M1AP: variants seen among roughly 807,000 people sequenced by gnomAD.
M1AP encodes the protein meiosis 1 arrest protein.
In M1AP, 39 loss-of-function variants were observed where a neutral mutation model predicts 51.2. That is an observed-to-expected ratio of 0.76 (90% confidence interval 0.59 to 1.00). The LOEUF (loss-of-function observed/expected upper bound fraction) is 1.00, where lower values mean the gene tolerates loss of function less well. Ranked by LOEUF, M1AP falls within the 50% of genes least tolerant of loss-of-function variation. The pLI is 0.00. For synonymous variants in M1AP, 251 were observed against 249.2 expected (o/e 1.01, Z -0.07); for missense variants, 545 against 641.2 (o/e 0.85, Z 1.62).
chr2:74,633,734 T>C (rs971451190), intron 2 of M1AP, among the ~76,000 whole-genome samples: 9 of 152,172 alleles, frequency 5.9e-5, no homozygotes, highest in African/African-American at 2.2e-4. Flanking sequence ...AAAGTCTTTC[T>C]TACCATAATT....
chr2:74,625,093 A>T (rs1682289430), intron 2 of M1AP, among the ~76,000 whole-genome samples: 3 of 152,196 alleles, frequency 2.0e-5, no homozygotes, highest in Non-Finnish European at 2.9e-5. Flanking sequence ...TCTCATGAAA[A>T]TGTGTCACAG....
At chr2:74,562,486 G>A (rs1283472452) in intron 7 of M1AP, 63 bp from the exon 8 acceptor site, 14 of 1,577,538 alleles carry the variant, frequency 8.9e-6, no homozygotes, top group Non-Finnish European at 1.2e-5. Context: ...TTGAGGATCA[G>A]TCCCAATTGA....
intron 3 of M1AP, among the ~76,000 whole-genome samples, chr2:74,609,641 C>T (rs962860473): frequency 6.6e-6 from 1 of 152,160 alleles, no homozygotes; most frequent in African/African-American, 2.4e-5. Flanking sequence ...TCATATTGTT[C>T]TCCATAGTGG....
Position 74,560,189 on chromosome 2 carries a change from G to C in M1AP, c.1384C>G (p.Arg462Gly), listed in dbSNP as rs540346738. The change falls in exon 9 of 11, where the codon CGG becomes GGG. Residue 462 changes from arginine (R) to glycine (G), a missense_variant. By Grantham distance (125) the Arg-to-Gly change is moderately radical. Coordinates refer to ENST00000421985, the MANE Select transcript of M1AP (RefSeq NM_001321739.2). ...LSSIYAKPQG[R>G]LHPHWESRAP... ...CGGCTCTCCCAGTGTGGGTGGAGCCGCCCCTGAGGCTTGGCATAGATGCTG... is the reference window on the plus strand; with the variant it reads ...CGGCTCTCCCAGTGTGGGTGGAGCCCCCCCTGAGGCTTGGCATAGATGCTG... 1.9e-6 allele frequency: 3 copies of C among 1,613,926 alleles called. No individual in the cohort carries two copies. The highest frequency in any genetic ancestry group is 2.5e-6 in the Non-Finnish European group (3 of 1,179,974).
intron 4 of M1AP, among the ~76,000 whole-genome samples, chr2:74,587,562 C>T (rs1376009914): frequency 6.6e-6 from 1 of 152,194 alleles, no homozygotes. Flanking sequence ...GACTACCATA[C>T]ATTGAACACC....
intron 2 of M1AP, chr2:74,615,388 T>G (rs1487620299): frequency 4.2e-6 from 2 of 481,574 alleles, no homozygotes; most frequent in Non-Finnish European, 7.5e-6. Context: ...ACCAGAAACA[T>G]GAAAGGAAGT....
rs1225673362 is a variant in M1AP at position 74,558,681 on chromosome 2, G to A, written c.*35C>T. ...TTATGTGAACCTGAGCATGGATATG[G>A]TTAAGCTGGGCAGCTGGGCTCTGGT... On this transcript the variant is annotated 3_prime_UTR_variant, in exon 11 of 11. Transcript: ENST00000421985. 3.7e-6 allele frequency: 6 copies of A among 1,609,916 alleles called. No homozygotes were observed. The Admixed American group carries it at 6.8e-5, about 18-fold the overall frequency.
intron 4 of M1AP, among the ~76,000 whole-genome samples, chr2:74,605,696 G>A (rs970101516): frequency 6.6e-6 from 1 of 151,876 alleles, no homozygotes; most frequent in Admixed American, 6.6e-5. Flanking sequence ...ATCAGGAGAC[G>A]GAGACCATCC....
intron 4 of M1AP, among the ~76,000 whole-genome samples, chr2:74,590,025 G>A (rs1432784292): frequency 1.3e-5 from 2 of 152,314 alleles, no homozygotes; most frequent in East Asian, 3.9e-4. Flanking sequence ...TGCATTCAAA[G>A]CCGTCCTGGG....
chr2:74,575,306 G>A (rs1678990734), intron 7 of M1AP, 132 bp downstream of exon 7: 7 of 1,480,288 alleles, frequency 4.7e-6, no homozygotes, highest in Non-Finnish European at 1.8e-6. Context: ...AAATTTCAGA[G>A]TATTTCCAGT....
At position 74,558,414 on chromosome 2, in the gene M1AP, T is replaced by C. The variant is rs1677652684; in HGVS notation, c.*302A>G. 3.0e-6 allele frequency: 1 copy of C among 331,526 alleles called. No homozygotes were observed. Among genetic ancestry groups the C allele is most frequent in the South Asian group, 3.6e-5 (1 of 28,142 alleles). The allele number at this position is 331,526 out of a possible 1,614,324, so 20.5% of individuals were successfully genotyped here. A position where few individuals can be genotyped will look rare whatever the true frequency, so the allele number is the denominator to read the frequency against. On this transcript the variant is annotated 3_prime_UTR_variant, in exon 11 of 11. Coordinates refer to ENST00000421985, the MANE Select transcript of M1AP (RefSeq NM_001321739.2). ...AGCTACAAGAAGAAATTCTGAGTTA[T>C]GAATGCTCCTAACAATGGTAGAAGC...
In M1AP at chr2:74,640,095, T is replaced by C; in HGVS notation, c.181A>G (p.Met61Val). The C allele has an allele frequency of 6.2e-7, 1 of 1,614,210 alleles. No homozygotes were observed. The highest frequency in any genetic ancestry group is 8.5e-7 in the Non-Finnish European group (1 of 1,180,036). ...LACSLMGPSRMSLFSLYMVQD... is the reference protein window; with the variant it reads ...LACSLMGPSRVSLFSLYMVQD... ...ACCATGTATAAACTGAACAGGGACA[T>C]GCGGCTGGGGCCCATCAAGCTGCAG... is the stretch of plus-strand genomic sequence containing the variant. The change falls in exon 2 of 11, where the codon ATG becomes GTG. Residue 61 changes from methionine to valine, a missense_variant. Transcript: ENST00000421985.
intron 4 of M1AP, among the ~76,000 whole-genome samples, chr2:74,602,815 C>G (rs1428420292): frequency 6.6e-6 from 1 of 152,188 alleles, no homozygotes; most frequent in Non-Finnish European, 1.5e-5. Context: ...TGGGAAGTTA[C>G]TGGAAGAGTC....
At chr2:74,642,964 C>T (rs757455160) in intron 1 of M1AP, among the ~76,000 whole-genome samples, 11 of 152,180 alleles carry the variant, frequency 7.2e-5, no homozygotes, top group East Asian at 1.9e-4. Flanking sequence ...CCAATCCAAC[C>T]GGCTCTGCCA....
chr2:74,589,735 T>C (rs572514407), intron 4 of M1AP, among the ~76,000 whole-genome samples: 1 of 152,336 alleles, frequency 6.6e-6, no homozygotes, highest in East Asian at 1.9e-4. Context: ...TCTGGTCAGC[T>C]ACCCAGGGAA....
At chr2:74,626,747 C>G (rs559116883) in intron 2 of M1AP, among the ~76,000 whole-genome samples, 12 of 152,276 alleles carry the variant, frequency 7.9e-5, no homozygotes, top group East Asian at 1.9e-4. Flanking sequence ...ATATGGCTAT[C>G]CAGCTGATCC....
intron 5 of M1AP, among the ~76,000 whole-genome samples, chr2:74,579,425 G>C (rs1276770116): frequency 6.6e-6 from 1 of 152,202 alleles, no homozygotes; most frequent in Non-Finnish European, 1.5e-5. Flanking sequence ...TCTGGGCTGA[G>C]AGTGTCAAGT....
At chr2:74,583,172 G>T (rs1234640288) in intron 4 of M1AP, among the ~76,000 whole-genome samples, 1 of 151,666 alleles carries the variant, frequency 6.6e-6, no homozygotes, top group Admixed American at 6.6e-5. Context: ...TTGAACAAAG[G>T]GGACTTCAGC....
At chr2:74,637,115 T>C (rs2104828388) in intron 2 of M1AP, among the ~76,000 whole-genome samples, 1 of 152,332 alleles carries the variant, frequency 6.6e-6, no homozygotes. Flanking sequence ...AGCTCAATTA[T>C]GTTCTATCCA....
Sources: gnomAD v4.1 joint callset for allele counts (sites outside exome capture counted in the v4.1 genomes callset) on GRCh38, gnomAD v4.1.1 for gene constraint, MANE v1.5 for transcripts, NCBI Gene and HGNC (gene_info 2026-07-23, HGNC 2026-07-21) for gene names.